The following QRSL1 variants were observed in gnomAD, a reference collection of about 807,000 sequenced individuals.
QRSL1 encodes glutamyl-tRNA(Gln) amidotransferase subunit A, mitochondrial.
QRSL1 carries 54 observed loss-of-function variants against 61.6 expected under a neutral mutation model. The observed-to-expected ratio is 0.88, with a 90% CI of 0.70 to 1.10. The LOEUF is 1.10. Ranked by LOEUF, QRSL1 falls within the 50% of genes least tolerant of loss-of-function variation. The pLI is 0.00. For synonymous variants in QRSL1, 228 were observed against 225.7 expected (o/e 1.01, Z -0.09); for missense variants, 505 against 622.6 (o/e 0.81, Z 2.01).
chr6:106,635,408 G>A (rs1776904060), intron 1 of QRSL1, among the ~76,000 whole-genome samples: 5 of 152,142 alleles, frequency 3.3e-5, no homozygotes, highest in Admixed American at 3.3e-4. Context: ...TGACCAGTGG[G>A]TTTAGCTATG....
At chr6:106,633,985 G>A (rs561834369) in intron 1 of QRSL1, among the ~76,000 whole-genome samples, 52 of 151,970 alleles carry the variant, frequency 3.4e-4, no homozygotes, top group African/African-American at 1.1e-3. Context: ...ATTTCAGGTA[G>A]TATGAGTACT....
intron 4 of QRSL1, among the ~76,000 whole-genome samples, chr6:106,645,842 G>A (rs1777099497): frequency 6.6e-6 from 1 of 152,282 alleles, no homozygotes; most frequent in African/African-American, 2.4e-5. Flanking sequence ...GTTAAAGCTT[G>A]CTTATTAGTT....
rs141490216 is a variant in QRSL1, at chr6:106,635,444, G to A, written c.25-4905G>A. On this transcript the variant is annotated intron_variant, in intron 1 of 10. Coordinates refer to ENST00000369046, the MANE Select transcript of QRSL1 (RefSeq NM_018292.5). Reference sequence around the variant, plus strand: ...TGGAGCTTGCTGGTGATCTTGATACGCAGTTTCAAGAAGCAAGAAGGCAAA... The same window carrying A: ...TGGAGCTTGCTGGTGATCTTGATACACAGTTTCAAGAAGCAAGAAGGCAAA... Among the ~76,000 whole-genome samples the A allele has an allele frequency of 2.8e-3, 431 of 152,260 alleles. 2 individuals are homozygous for A. The highest frequency in any genetic ancestry group is 9.9e-3 in the African/African-American group (411 of 41,532).
At position 106,643,446 on chromosome 6, in the gene QRSL1, G is replaced by T. The variant is rs112443846; in HGVS notation, c.380+356G>T. 2.6e-4 allele frequency among the ~76,000 whole-genome samples: 40 copies of T among 152,070 alleles called. No homozygotes were observed. In the East Asian group the frequency reaches 7.8e-3, roughly 30 times the overall value. ...TGTAATCGCAGCACTTTGGGAGTCCGAGGCAGGTGGATCAACTGAGGTAGG... is the reference window on the plus strand; with the variant it reads ...TGTAATCGCAGCACTTTGGGAGTCCTAGGCAGGTGGATCAACTGAGGTAGG... On this transcript the variant is annotated intron_variant, in intron 4 of 10. Transcript: ENST00000369046.
intron 9 of QRSL1, among the ~76,000 whole-genome samples, chr6:106,660,914 A>C (rs1037761897): frequency 6.6e-6 from 1 of 152,042 alleles, no homozygotes; most frequent in Non-Finnish European, 1.5e-5. Flanking sequence ...TGGCCCAATC[A>C]CCTCTTAAAG....
chr6:106,648,225 G>A (rs1353339335), intron 4 of QRSL1, among the ~76,000 whole-genome samples: 3 of 151,832 alleles, frequency 2.0e-5, no homozygotes, highest in Admixed American at 6.6e-5. Context: ...GAATCTGGGA[G>A]GCGGAGGTTG....
chr6:106,634,055 G>T (rs1776881390), intron 1 of QRSL1, among the ~76,000 whole-genome samples: 1 of 152,118 alleles, frequency 6.6e-6, no homozygotes, highest in Admixed American at 6.6e-5. Context: ...GGACATTTTA[G>T]CTAGAGTGGT....
chr6:106,629,742 C>G, intron 1 of QRSL1, 37 bp downstream of exon 1: 3 of 1,589,666 alleles, frequency 1.9e-6, no homozygotes, highest in Non-Finnish European at 2.6e-6. Context: ...CCCGGGAGGG[C>G]GGAAAGTTTA....
chr6:106,643,612 G>A (rs945389917), intron 4 of QRSL1, among the ~76,000 whole-genome samples: 38 of 151,740 alleles, frequency 2.5e-4, no homozygotes, highest in Admixed American at 1.8e-3. Flanking sequence ...CCCGGGAGGC[G>A]GAGGTTGCAG....
At chr6:106,652,684 C>T (rs1442266233) in intron 7 of QRSL1, 102 bp downstream of exon 7, 1 of 1,568,452 alleles carries the variant, frequency 6.4e-7, no homozygotes, top group South Asian at 1.2e-5. Flanking sequence ...TGCTCTGCCA[C>T]TTTTATTAAT....
At chr6:106,644,333 TA>T (rs1317433579) in intron 4 of QRSL1, among the ~76,000 whole-genome samples, 1 of 152,172 alleles carries the variant, frequency 6.6e-6, no homozygotes, top group African/African-American at 2.4e-5. Flanking sequence ...TTTTTTCCTT[TA>T]TTTTTTAAAG....
intron 1 of QRSL1, 62 bp from the exon 2 acceptor site, chr6:106,640,287 C>CCAA: frequency 6.9e-7 from 1 of 1,449,892 alleles, no homozygotes; most frequent in Non-Finnish European, 9.6e-7. Context: ...CCACCCCCAC[C>CCAA]AATATAACAA....
rs376227484 is a variant in QRSL1 at position 106,629,703 on chromosome 6, G to C, written c.22G>C (p.Glu8Gln). 5.2e-5 allele frequency: 84 copies of C among 1,606,164 alleles called. 1 individual carries two copies. Among genetic ancestry groups the C allele is most frequent in the Non-Finnish European group, 6.5e-5 (76 of 1,176,944 alleles). The change falls in exon 1 of 11, where the codon GAA becomes CAA. Residue 8 changes from glutamate to glutamine, a missense_variant and splice_region_variant. Coordinates refer to ENST00000369046, the MANE Select transcript of QRSL1 (RefSeq NM_018292.5). MLGRSLR[E>Q]VSAALKQGQI... ...GACCATGCTGGGCCGGAGCCTCCGA[G>C]AAGTGAGTGGAATTGGCCCGCTGAG... is the stretch of plus-strand genomic sequence containing the variant.
rs1007432352 is a variant in QRSL1 at position 106,667,068 on chromosome 6, G to A, written c.*1066G>A. The A allele has an allele frequency of 2.6e-5, 4 of 152,196 alleles. No individual in the cohort carries two copies. 9.4% of individuals were successfully genotyped at this position (152,196 alleles called of 1,614,324 possible). ...ACTGATCACAAATGAGCTCATTAAT[G>A]TCATCGAAACATTTATTGTAACCTA... On this transcript the variant is annotated 3_prime_UTR_variant, in exon 11 of 11. Coordinates refer to ENST00000369046, the MANE Select transcript of QRSL1 (RefSeq NM_018292.5).
Position 106,655,742 on chromosome 6 carries a change from C to T in QRSL1, c.1160+10C>T, listed in dbSNP as rs1329891621. Reference sequence around the variant, plus strand: ...TTTTCTTATTAAAAGAGTAAGACAACTCATTTAGGAATTTTCTTCATTCTT... The same window carrying T: ...TTTTCTTATTAAAAGAGTAAGACAATTCATTTAGGAATTTTCTTCATTCTT... On this transcript the variant is annotated intron_variant, in intron 9 of 10. Transcript: ENST00000369046. 2.6e-5 allele frequency: 40 copies of T among 1,519,328 alleles called. No homozygotes were observed. The highest frequency in any genetic ancestry group is 3.7e-5 in the Non-Finnish European group (40 of 1,095,756). The allele number at this position is 1,519,328 out of a possible 1,614,324, so 94.1% of individuals were successfully genotyped here. A position where few individuals can be genotyped will look rare whatever the true frequency, so the allele number is the denominator to read the frequency against.
At position 106,655,701 on chromosome 6, in the gene QRSL1, A is replaced by G; in HGVS notation, c.1129A>G (p.Ile377Val). ...EGFNDVVRGR[I>V]LSGNFFLLKE... Reference sequence around the variant, plus strand: ...GTTTAATGATGTGGTGAGAGGAAGAATTCTCTCAGGAAACTTTTTCTTATT... The same window carrying G: ...GTTTAATGATGTGGTGAGAGGAAGAGTTCTCTCAGGAAACTTTTTCTTATT... Residue 377 changes from isoleucine to valine, a missense_variant, in exon 9 of 11, where the codon ATT becomes GTT. By Grantham distance (29) the Ile-to-Val change is conservative. Transcript: ENST00000369046. 6.2e-7 allele frequency: 1 copy of G among 1,612,444 alleles called. No homozygotes were observed.
intron 4 of QRSL1, among the ~76,000 whole-genome samples, chr6:106,644,284 G>T (rs772558758): frequency 1.3e-5 from 2 of 152,090 alleles, no homozygotes; most frequent in African/African-American, 4.8e-5. Flanking sequence ...GCTTGGTCCA[G>T]CAAAGTGTTG....
At chr6:106,660,873 G>A (rs773358817) in intron 9 of QRSL1, among the ~76,000 whole-genome samples, 22 of 151,982 alleles carry the variant, frequency 1.4e-4, no homozygotes, top group Non-Finnish European at 2.4e-4. Context: ...TCTTAGAATG[G>A]CACCAATCCC....
Position 106,655,718 on chromosome 6 carries a change from T to C in QRSL1, c.1146T>C (p.Phe382=), listed in dbSNP as rs748012600. ...GAGGAAGAATTCTCTCAGGAAACTT[T>C]TTCTTATTAAAAGAGTAAGACAACT... ...VVRGRILSGN[F]FLLKENYENY... Residue 382 remains phenylalanine (F), a synonymous_variant, in exon 9 of 11, where the codon TTT becomes TTC. Coordinates refer to ENST00000369046, the MANE Select transcript of QRSL1 (RefSeq NM_018292.5). 2 of 1,608,052 alleles carry C rather than the reference T, an allele frequency of 1.2e-6. No homozygotes were observed. The highest frequency in any genetic ancestry group is 1.7e-6 in the Non-Finnish European group (2 of 1,174,998).
Sources: gnomAD v4.1 joint callset for allele counts (sites outside exome capture counted in the v4.1 genomes callset) on GRCh38, gnomAD v4.1.1 for gene constraint, MANE v1.5 for transcripts, NCBI Gene and HGNC (gene_info 2026-07-23, HGNC 2026-07-21) for gene names.